The following KAZN variants were observed in gnomAD, a reference collection of about 807,000 sequenced individuals.
KAZN encodes kazrin.
Under a neutral mutation model 87.4 loss-of-function variants are expected in KAZN, and 40 were observed. The observed-to-expected ratio is 0.46, with a 90% CI of 0.36 to 0.60. KAZN has a LOEUF of 0.60. KAZN is among the 20% of genes least tolerant of loss of function. KAZN has a pLI of 0.00. For missense variants in KAZN, 898 were observed against 1,073.9 expected, an observed-to-expected ratio of 0.84 and a Z score of 2.29; for synonymous variants, 466 against 458.3, an observed-to-expected ratio of 1.02 and a Z score of -0.22.
intron 2 of KAZN, among the ~76,000 whole-genome samples, chr1:14,383,084 G>T (rs77569758): frequency 0.63 from 95,667 of 150,744 alleles, 30,987 homozygotes; most frequent in East Asian, 0.83. Context: ...GGTGAGCATT[G>T]TTTCATGTGT....
intron 1 of KAZN, among the ~76,000 whole-genome samples, chr1:14,854,543 C>T (rs960941968): frequency 6.6e-6 from 1 of 152,120 alleles, no homozygotes; most frequent in African/African-American, 2.4e-5. Flanking sequence ...CGTGAAGAGA[C>T]AAAACCTGAG....
At chr1:14,831,576 C>T (rs1432380689) in intron 1 of KAZN, among the ~76,000 whole-genome samples, 2 of 152,210 alleles carry the variant, frequency 1.3e-5, no homozygotes, top group African/African-American at 4.8e-5. Context: ...ACCATGAAGG[C>T]ATTGATTTAT....
chr1:15,051,472 G>A (rs1285494943), intron 4 of KAZN, among the ~76,000 whole-genome samples: 1 of 152,212 alleles, frequency 6.6e-6, no homozygotes, highest in Admixed American at 6.5e-5. Flanking sequence ...GGGCCAGACC[G>A]GATCCTTGAC....
At chr1:14,260,030 C>T (rs934383956) in intron 2 of KAZN, among the ~76,000 whole-genome samples, 7 of 152,150 alleles carry the variant, frequency 4.6e-5, no homozygotes, top group Non-Finnish European at 8.8e-5. Context: ...TCTGAGTTGG[C>T]TGTTATCACC....
intron 1 of KAZN, among the ~76,000 whole-genome samples, chr1:14,737,052 G>A (rs1057035434): frequency 6.6e-6 from 1 of 152,222 alleles, no homozygotes; most frequent in African/African-American, 2.4e-5. Flanking sequence ...AAGGTGGCAA[G>A]AGGGAATATT....
intron 1 of KAZN, among the ~76,000 whole-genome samples, chr1:14,117,441 TG>T (rs1232021611): frequency 2.6e-5 from 4 of 152,216 alleles, no homozygotes; most frequent in African/African-American, 7.2e-5. Flanking sequence ...CCGCCATGAT[TG>T]TGAGGCCTAC....
chr1:14,846,932 A>G (rs1648844031), intron 1 of KAZN, among the ~76,000 whole-genome samples: 1 of 152,178 alleles, frequency 6.6e-6, no homozygotes, highest in South Asian at 2.1e-4. Context: ...CTGACACCAC[A>G]GCCCCTGGCA....
intron 2 of KAZN, among the ~76,000 whole-genome samples, chr1:14,387,715 A>C (rs1662053234): frequency 7.0e-6 from 1 of 142,634 alleles, no homozygotes; most frequent in Non-Finnish European, 1.6e-5. Context: ...TGCTCTCTTC[A>C]AAGCTGTCAG....
At position 14,576,326 on chromosome 1, in the gene KAZN, ATGGATG is replaced by A. The variant is rs1244218496; in HGVS notation, c.250-22656_250-22651del. 1.9e-3 allele frequency among the ~76,000 whole-genome samples: 295 copies of A among 151,850 alleles called. 1 individual carries two copies. Among genetic ancestry groups the A allele is most frequent in the Non-Finnish European group, 3.0e-3 (204 of 67,968 alleles). On this transcript the variant is annotated intron_variant, in intron 2 of 16. Coordinates refer to the KAZN transcript ENST00000636203. ...GATGGATGGATGGATGGATGGATGG[ATGGATG>A]GACGGACAGATAAATAGATGGGTAG... is the stretch of plus-strand genomic sequence containing the variant.
chr1:15,009,883 C>T (rs1371935654), intron 2 of KAZN, among the ~76,000 whole-genome samples: 1 of 152,184 alleles, frequency 6.6e-6, no homozygotes, highest in Non-Finnish European at 1.5e-5. Flanking sequence ...ATCCAAGATG[C>T]ATCATGTCAT....
At chr1:14,684,703 C>G (rs930503360) in intron 1 of KAZN, among the ~76,000 whole-genome samples, 15 of 152,142 alleles carry the variant, frequency 9.9e-5, no homozygotes, top group African/African-American at 3.6e-4. Context: ...GTAGCATCTT[C>G]TCTCTCTGAC....
rs370918877 is a variant in KAZN at position 15,080,466 on chromosome 1, C to G, written c.1223-13714C>G. 1.1e-4 allele frequency among the ~76,000 whole-genome samples: 16 copies of G among 152,186 alleles called. No individual in the cohort carries two copies. In the East Asian group the frequency reaches 2.5e-3, roughly 24 times the overall value. Reference sequence around the variant, plus strand: ...GGGTCCTGCCATCAGCCCCCAGCAGCCACAGTGGTGAGTGACTGATAGGCT... The same window carrying G: ...GGGTCCTGCCATCAGCCCCCAGCAGGCACAGTGGTGAGTGACTGATAGGCT... On this transcript the variant is annotated intron_variant, in intron 8 of 14. Transcript: ENST00000376030.
At chr1:14,256,565 T>C (rs1650530121) in intron 2 of KAZN, among the ~76,000 whole-genome samples, 2 of 152,094 alleles carry the variant, frequency 1.3e-5, no homozygotes, top group South Asian at 4.2e-4. Context: ...CTGAGGTCTT[T>C]ATTTAGAACA....
chr1:15,039,745 C>T (rs1311696819), intron 3 of KAZN, among the ~76,000 whole-genome samples: 2 of 145,088 alleles, frequency 1.4e-5, no homozygotes, highest in Non-Finnish European at 1.6e-5. Context: ...CCATGGAGAG[C>T]ACCGTGTCAT....
intron 2 of KAZN, among the ~76,000 whole-genome samples, chr1:14,388,725 A>T (rs1477738801): frequency 6.6e-6 from 1 of 152,198 alleles, no homozygotes; most frequent in African/African-American, 2.4e-5. Flanking sequence ...CTTAAATATA[A>T]GACCTAAAAC....
chr1:14,861,220 G>A (rs6429681), intron 1 of KAZN, among the ~76,000 whole-genome samples: 63,890 of 151,638 alleles, frequency 0.42, 15,532 homozygotes, highest in African/African-American at 0.66. Flanking sequence ...TCTACTAAAA[G>A]TACAAAAATT....
chr1:14,602,670 G>C (rs1450594435), intron 1 of KAZN, among the ~76,000 whole-genome samples: 1 of 152,188 alleles, frequency 6.6e-6, no homozygotes, highest in African/African-American at 2.4e-5. Flanking sequence ...AGTTTTATCA[G>C]CTGATGAATG....
rs1434168116 is a variant in KAZN, at chr1:14,949,631, A to C, written c.227-11053A>C. Among the ~76,000 whole-genome samples the C allele has an allele frequency of 1.3e-5, 2 of 152,180 alleles. No individual in the cohort carries two copies. Among genetic ancestry groups the C allele is most frequent in the Non-Finnish European group, 2.9e-5 (2 of 68,042 alleles). On this transcript the variant is annotated intron_variant, in intron 1 of 14. Transcript: ENST00000376030. This position sits in a 1 kb window ranked among gnomAD's most constrained non-coding sequence, Gnocchi z 4.3. ...AGCCTCTGCCATGAAGGTGTTACCC[A>C]AACCTCCGGCAGACCCCAGGGGGCT...
chr1:14,513,051 G>C (rs76714667), intron 2 of KAZN, among the ~76,000 whole-genome samples: 2,121 of 152,236 alleles, frequency 0.014, 45 homozygotes, highest in African/African-American at 0.048. Flanking sequence ...GCTTATAAAA[G>C]ATCTCTTTCT....
Sources: allele counts gnomAD v4.1 joint callset (sites outside exome capture counted in the v4.1 genomes callset), GRCh38; gene constraint gnomAD v4.1.1; non-coding constraint Gnocchi (gnomAD v3.1); transcripts MANE v1.5; gene names NCBI Gene and HGNC (gene_info 2026-07-23, HGNC 2026-07-21).